The following GPC5 variants were observed in gnomAD, a reference collection of about 807,000 sequenced individuals.
GPC5 encodes glypican-5.
GPC5 carries 47 observed loss-of-function variants against 53.9 expected under a neutral mutation model. The observed-to-expected ratio is 0.87, with a 90% confidence interval of 0.69 to 1.11. The LOEUF (loss-of-function observed/expected upper bound fraction) is 1.11. Among genes scored for constraint, GPC5 ranks in the 50% most tolerant of loss-of-function variants. The pLI, the probability that GPC5 is intolerant of heterozygous loss-of-function variation, is 0.00. For missense variants in GPC5, 748 were observed against 713.1 expected, an observed-to-expected ratio of 1.05 and a Z score of -0.56; for synonymous variants, 286 against 263.3, an observed-to-expected ratio of 1.09 and a Z score of -0.84.
chr13:92,840,371 C>A lies in GPC5; in HGVS notation c.1562-25911C>A, dbSNP rs150197115. Among the ~76,000 whole-genome samples the A allele has an allele frequency of 3.1e-4, 47 of 152,028 alleles. 1 individual carries two copies. In the Middle Eastern group the frequency reaches 0.01, roughly 33 times the overall value. ...GGTTGTGCAAATATCTCAAGACCCA[C>A]TGTCTTTCCCTATTGAGTGACATTA... On this transcript the variant is annotated intron_variant, in intron 7 of 7. Coordinates refer to ENST00000377067, the MANE Select transcript of GPC5 (RefSeq NM_004466.6).
intron 6 of GPC5, among the ~76,000 whole-genome samples, chr13:92,031,752 T>TATGTAA (rs1566403212): frequency 4.6e-5 from 2 of 43,758 alleles, no homozygotes; most frequent in Non-Finnish European, 3.8e-5. Flanking sequence ...ATAATATATA[T>TATGTAA]TATATTACAT....
At chr13:91,497,199 T>TA (rs1594167749) in intron 2 of GPC5, among the ~76,000 whole-genome samples, 2 of 152,310 alleles carry the variant, frequency 1.3e-5, no homozygotes, top group East Asian at 3.9e-4. Context: ...GATCTAGCTT[T>TA]GAGTCATTTT....
chr13:92,365,723 A>G (rs933203795), intron 7 of GPC5, among the ~76,000 whole-genome samples: 8 of 150,722 alleles, frequency 5.3e-5, no homozygotes, highest in African/African-American at 2.0e-4. Context: ...CATTAGCCTA[A>G]GTCTACACTG....
chr13:92,529,781 TAAC>T (rs770579515), intron 7 of GPC5, among the ~76,000 whole-genome samples: 90 of 152,256 alleles, frequency 5.9e-4, no homozygotes, highest in Admixed American at 2.2e-3. Flanking sequence ...GCACTAAAAT[TAAC>T]AACACGTTAT....
intron 6 of GPC5, among the ~76,000 whole-genome samples, chr13:92,128,621 C>A (rs942603221): frequency 1.3e-5 from 2 of 152,206 alleles, no homozygotes; most frequent in Admixed American, 1.3e-4. Flanking sequence ...CTGTTTAGAA[C>A]AGCCATCTTA....
chr13:92,705,400 G>A (rs1465752985), intron 7 of GPC5, among the ~76,000 whole-genome samples: 1 of 152,050 alleles, frequency 6.6e-6, no homozygotes, highest in Non-Finnish European at 1.5e-5. Context: ...ATAGGGCAAT[G>A]TCTACTACAG....
intron 7 of GPC5, among the ~76,000 whole-genome samples, chr13:92,244,840 C>A (rs907149869): frequency 2.0e-5 from 3 of 151,928 alleles, no homozygotes; most frequent in African/African-American, 7.2e-5. Context: ...AGGATCAAGA[C>A]CATCCTGGCC....
At chr13:92,018,988 G>T (rs1408666187) in intron 6 of GPC5, among the ~76,000 whole-genome samples, 1 of 151,640 alleles carries the variant, frequency 6.6e-6, no homozygotes, top group Non-Finnish European at 1.5e-5. Context: ...TAGATTCTTT[G>T]GTACTTAATC....
rs2043752281 is a variant in GPC5, at chr13:92,381,996, A to G, written c.1561+237007A>G. On this transcript the variant is annotated intron_variant, in intron 7 of 7. Coordinates refer to ENST00000377067, the MANE Select transcript of GPC5 (RefSeq NM_004466.6). ...TATCTATCTATCTATCTATCTATCT[A>G]TCTATCTATATATCTATCTGATAGA... is the stretch of plus-strand genomic sequence containing the variant. 2.0e-5 allele frequency among the ~76,000 whole-genome samples: 3 copies of G among 148,822 alleles called. No homozygotes were observed. The Admixed American group carries it at 2.0e-4, about 10-fold the overall frequency.
intron 2 of GPC5, among the ~76,000 whole-genome samples, chr13:91,536,834 T>G (rs1391175445): frequency 2.0e-5 from 3 of 152,220 alleles, no homozygotes; most frequent in Admixed American, 6.5e-5. Flanking sequence ...CTTAGCAAAC[T>G]AATATGAAAA....
At chr13:92,147,845 G>A (rs1194507276) in intron 7 of GPC5, among the ~76,000 whole-genome samples, 2 of 152,048 alleles carry the variant, frequency 1.3e-5, no homozygotes, top group Non-Finnish European at 2.9e-5. Context: ...AAAGAGGGAC[G>A]AGGAAAGGAG....
At chr13:92,183,361 C>T (rs796988924) in intron 7 of GPC5, among the ~76,000 whole-genome samples, 7 of 152,050 alleles carry the variant, frequency 4.6e-5, no homozygotes, top group African/African-American at 1.4e-4. Flanking sequence ...AGGTCAGCTG[C>T]TTTTTTTCTT....
chr13:91,422,480 A>G (rs1252020301), intron 1 of GPC5, among the ~76,000 whole-genome samples: 1 of 152,026 alleles, frequency 6.6e-6, no homozygotes, highest in Non-Finnish European at 1.5e-5. Flanking sequence ...TACTAAAAAT[A>G]CAAAAATTAA....
intron 7 of GPC5, among the ~76,000 whole-genome samples, chr13:92,492,303 C>T (rs951210384): frequency 2.7e-5 from 4 of 150,690 alleles, no homozygotes; most frequent in African/African-American, 4.9e-5. Flanking sequence ...AATGAGAACA[C>T]TTGGACACAG....
At position 92,465,723 on chromosome 13, in the gene GPC5, A is replaced by G. The variant is rs763209707; in HGVS notation, c.1561+320734A>G. 4.6e-5 allele frequency among the ~76,000 whole-genome samples: 7 copies of G among 152,018 alleles called. No homozygotes were observed. In the East Asian group the frequency reaches 5.8e-4, roughly 13 times the overall value. ...ATTTTGATTTCATTTCAGCATTTGA[A>G]CAACAGCTGAATAAAATCAGAGTTC... On this transcript the variant is annotated intron_variant, in intron 7 of 7. Coordinates refer to ENST00000377067, the MANE Select transcript of GPC5 (RefSeq NM_004466.6).
At position 91,693,852 on chromosome 13, in the gene GPC5, C is replaced by T. The variant is rs112827304; in HGVS notation, c.991C>T (p.His331Tyr). Residue 331 changes from histidine (H) to tyrosine (Y), a missense_variant, in exon 3 of 8, where the codon CAC (histidine) becomes TAC (tyrosine). Transcript: ENST00000377067. ...TGTTAATGATGCTGTGTTACAGGCT[C>T]ACCTCAATGGACAAAAATTATTGGA... ...LLVNDAVLQA[H>Y]LNGQKLLEQV... 2.7e-3 allele frequency: 4,261 copies of T among 1,603,052 alleles called. 115 individuals carry two copies. In the African/African-American group the frequency reaches 0.047, roughly 18 times the overall value.
chr13:92,586,524 C>A (rs555883771), intron 7 of GPC5, among the ~76,000 whole-genome samples: 1 of 152,134 alleles, frequency 6.6e-6, no homozygotes. Flanking sequence ...TTTAAGCAGC[C>A]ACTTTGGCGT....
intron 7 of GPC5, among the ~76,000 whole-genome samples, chr13:92,640,080 C>T (rs1474733538): frequency 2.6e-5 from 4 of 151,550 alleles, no homozygotes; most frequent in Non-Finnish European, 4.4e-5. Context: ...ACTAGAGTCT[C>T]AGTATGAGAC....
At chr13:92,487,788 C>A (rs1330561573) in intron 7 of GPC5, among the ~76,000 whole-genome samples, 1 of 147,848 alleles carries the variant, frequency 6.8e-6, no homozygotes, top group Non-Finnish European at 1.5e-5. Context: ...TACTTTGATG[C>A]TTTTCTGTGA....
Sources: gnomAD v4.1 joint callset for allele counts (sites outside exome capture counted in the v4.1 genomes callset) on GRCh38, gnomAD v4.1.1 for gene constraint, MANE v1.5 for transcripts, NCBI Gene and HGNC (gene_info 2026-07-23, HGNC 2026-07-21) for gene names.